WNK1: variants seen among roughly 807,000 people sequenced by gnomAD.
WNK1 encodes the protein serine/threonine-protein kinase WNK1.
WNK1 carries 38 observed loss-of-function variants against 222.8 expected under a neutral mutation model. The ratio of observed to expected loss-of-function variants is 0.17; its 90% CI spans 0.13 to 0.22. The LOEUF (loss-of-function observed/expected upper bound fraction) is 0.22, where lower values mean the gene tolerates loss of function less well. WNK1 is among the 10% of genes least tolerant of loss of function. The pLI is 1.00. For missense variants in WNK1, 2,348 were observed against 2,918.4 expected (o/e 0.80, Z 4.50); for synonymous variants, 1,090 against 1,092.9 (o/e 1.00, Z 0.05).
At chr12:794,231 G>A (rs1945101880) in intron 1 of WNK1, among the ~76,000 whole-genome samples, 1 of 152,122 alleles carries the variant, frequency 6.6e-6, no homozygotes, top group Non-Finnish European at 1.5e-5. Flanking sequence ...CATTTATAAG[G>A]TTTTATATTA....
intron 24 of WNK1, 149 bp downstream of exon 24, chr12:896,881 C>T (rs1329169073): frequency 1.7e-6 from 1 of 605,930 alleles, no homozygotes; most frequent in Non-Finnish European, 2.8e-6. Flanking sequence ...CCCCATACCT[C>T]CCCACCACAC....
chr12:753,616 C>T lies in WNK1; in HGVS notation c.51C>T (p.Phe17=), dbSNP rs1288128502. 7 of 1,612,808 alleles carry T rather than the reference C, an allele frequency of 4.3e-6. No individual in the cohort carries two copies. Among genetic ancestry groups the T allele is most frequent in the Middle Eastern group, 1.7e-4 (1 of 6,042 alleles). Residue 17 remains phenylalanine (F), a synonymous_variant, in exon 1 of 28, where the codon TTC becomes TTT. Transcript: ENST00000315939. This position sits in a 1 kb window ranked among gnomAD's most constrained non-coding sequence, Gnocchi z 5.2. ...AGAGCAGCACTCCCGGTTCCCTGTT[C>T]CTCTCGCCGCCGGCTCCTGCCCCCA... ...EKQSSTPGSL[F]LSPPAPAPKN...
chr12:771,105 C>T (rs531284742), intron 1 of WNK1, among the ~76,000 whole-genome samples: 20 of 152,224 alleles, frequency 1.3e-4, no homozygotes, highest in African/African-American at 4.6e-4. Context: ...TCAAGCGACT[C>T]TCCTGCCTCT....
intron 4 of WNK1, among the ~76,000 whole-genome samples, chr12:836,266 G>A (rs1249554271): frequency 6.6e-6 from 1 of 152,126 alleles, no homozygotes; most frequent in Non-Finnish European, 1.5e-5. Context: ...ACAGTAACAG[G>A]TGTTTCTGTT....
At chr12:887,107 A>G in intron 19 of WNK1, 114 bp from the exon 20 acceptor site, 2 of 966,994 alleles carry the variant, frequency 2.1e-6, no homozygotes, top group East Asian at 5.0e-5. Flanking sequence ...ACATGTCTTA[A>G]CTATATATAT....
chr12:754,266 C>T lies in WNK1; in HGVS notation c.701C>T (p.Thr234Met), dbSNP rs762492680. 3 of 1,613,518 alleles carry T rather than the reference C, an allele frequency of 1.9e-6. No individual in the cohort carries two copies. The highest frequency in any genetic ancestry group is 1.3e-5 in the African/African-American group (1 of 74,944). Residue 234 changes from threonine (T) to methionine (M), a missense_variant, in exon 1 of 28, where the codon ACG (threonine) becomes ATG (methionine). Thr to Met is a moderately conservative substitution (Grantham distance 81, BLOSUM62 -1). Coordinates refer to ENST00000315939, the MANE Select transcript of WNK1 (RefSeq NM_018979.4). ...GAAATCGGCAGAGGCTCCTTTAAGA[C>T]GGTCTACAAAGGTCTGGACACTGAA... Reference protein sequence around the residue: ...DIEIGRGSFKTVYKGLDTETT... With the variant: ...DIEIGRGSFKMVYKGLDTETT...
In WNK1 at chr12:879,429, G is replaced by A. The variant is rs1024776876; in HGVS notation, c.2374-144G>A. The A allele has an allele frequency of 1.4e-4, 96 of 677,336 alleles. 2 individuals are homozygous for A. Among genetic ancestry groups the A allele is most frequent in the Middle Eastern group, 1.2e-3 (3 of 2,518 alleles). 42.0% of individuals were successfully genotyped at this position (677,336 alleles called of 1,614,324 possible). A position where few individuals can be genotyped will look rare whatever the true frequency, so the allele number is the denominator to read the frequency against. ...ATTAACTTAACACTAATGTATGCAGGGTTTTGTTGGTTTGGTGTTTTTTTT... is the reference window on the plus strand; with the variant it reads ...ATTAACTTAACACTAATGTATGCAGAGTTTTGTTGGTTTGGTGTTTTTTTT... On this transcript the variant is annotated intron_variant, in intron 10 of 27. Transcript: ENST00000315939.
chr12:903,532 G>C (rs1276085904), intron 26 of WNK1, among the ~76,000 whole-genome samples: 1 of 152,152 alleles, frequency 6.6e-6, no homozygotes, highest in Non-Finnish European at 1.5e-5. Context: ...CAAAGCTTCT[G>C]TTTCTGAAAT....
At chr12:842,919 G>A (rs1162553214) in intron 4 of WNK1, among the ~76,000 whole-genome samples, 2 of 151,302 alleles carry the variant, frequency 1.3e-5, no homozygotes, top group Non-Finnish European at 3.0e-5. Context: ...ACAGACTCAA[G>A]TGATTTTATT....
At chr12:840,794 C>T (rs758416834) in intron 4 of WNK1, among the ~76,000 whole-genome samples, 10 of 152,168 alleles carry the variant, frequency 6.6e-5, no homozygotes, top group South Asian at 6.2e-4. Flanking sequence ...TATAAGAATG[C>T]GTTAGCCTCT....
At chr12:894,761 T>TA (rs1954591723) in intron 23 of WNK1, 126 bp downstream of exon 23, 3 of 779,032 alleles carry the variant, frequency 3.9e-6, no homozygotes, top group Non-Finnish European at 6.6e-6. Flanking sequence ...TAGTACTTTA[T>TA]AGCTCTTTTT....
At position 879,555 on chromosome 12, in the gene WNK1, T is replaced by G; in HGVS notation, c.2374-18T>G. ...TTTTTTTTAAGCCTGTCTGTTTTGT[T>G]TTTCTTTACCTTCCCAGCTTCCAGT... On this transcript the variant is annotated intron_variant, in intron 10 of 27. Transcript: ENST00000315939. 1.3e-6 allele frequency: 2 copies of G among 1,596,774 alleles called. No homozygotes were observed. The highest frequency in any genetic ancestry group is 1.7e-6 in the Non-Finnish European group (2 of 1,168,006).
intron 4 of WNK1, among the ~76,000 whole-genome samples, chr12:848,883 A>C (rs1051315303): frequency 6.6e-6 from 1 of 152,204 alleles, no homozygotes; most frequent in South Asian, 2.1e-4. Flanking sequence ...TTGTGCCTAC[A>C]TCGTACCTTT....
intron 1 of WNK1, among the ~76,000 whole-genome samples, chr12:764,148 G>C (rs1297160272): frequency 6.8e-6 from 1 of 147,302 alleles, no homozygotes; most frequent in Non-Finnish European, 1.5e-5. Context: ...TGAAGAGATA[G>C]AAAAATTAGA....
intron 2 of WNK1, among the ~76,000 whole-genome samples, chr12:820,267 G>C (rs1947734816): frequency 6.6e-6 from 1 of 152,120 alleles, no homozygotes; most frequent in Admixed American, 6.5e-5. Flanking sequence ...CATTATACAA[G>C]TCTTTCACAT....
chr12:766,718 C>G (rs994743948), intron 1 of WNK1, among the ~76,000 whole-genome samples: 2 of 151,942 alleles, frequency 1.3e-5, no homozygotes, highest in Admixed American at 6.6e-5. Flanking sequence ...ACCTCATGAT[C>G]CGCCTGCCTT....
chr12:888,115 T>C (rs1320596145), intron 20 of WNK1, among the ~76,000 whole-genome samples: 1 of 152,236 alleles, frequency 6.6e-6, no homozygotes, highest in African/African-American at 2.4e-5. Flanking sequence ...CCAGTAAACT[T>C]TTAAACTAAA....
chr12:908,247 TTTCC>T, intron 27 of WNK1: 1 of 783,004 alleles, frequency 1.3e-6, no homozygotes. Flanking sequence ...CTTCTTCGTT[TTTCC>T]TTCGTCATCC....
intron 24 of WNK1, among the ~76,000 whole-genome samples, chr12:897,090 T>C (rs929310645): frequency 6.6e-6 from 1 of 152,188 alleles, no homozygotes; most frequent in African/African-American, 2.4e-5. Context: ...TAATAGCATA[T>C]TGTATCACTA....
Sources: allele counts gnomAD v4.1 joint callset (sites outside exome capture counted in the v4.1 genomes callset), GRCh38; gene constraint gnomAD v4.1.1; non-coding constraint Gnocchi (gnomAD v3.1); transcripts MANE v1.5; gene names NCBI Gene and HGNC (gene_info 2026-07-23, HGNC 2026-07-21).